The following VEGFC variants were observed in gnomAD, a reference collection of about 807,000 sequenced individuals.
VEGFC encodes the protein vascular endothelial growth factor C, also known as FLT4 ligand DHM.
Under a neutral mutation model 46.1 loss-of-function variants are expected in VEGFC, and 12 were observed. The observed-to-expected ratio is 0.26, with a 90% CI of 0.17 to 0.42. The LOEUF is 0.42. Among genes scored for constraint, VEGFC ranks in the 10% least tolerant of loss-of-function variants. VEGFC has a pLI of 1.00. For synonymous variants in VEGFC, 232 were observed against 195.5 expected (o/e 1.19, Z -1.56); for missense variants, 488 against 529.4 (o/e 0.92, Z 0.77).
At chr4:176,688,126 G>T (rs917250415) in intron 4 of VEGFC, among the ~76,000 whole-genome samples, 199 bp from the exon 5 acceptor site, 1 of 152,178 alleles carries the variant, frequency 6.6e-6, no homozygotes, top group Admixed American at 6.5e-5. Flanking sequence ...GGTGATCACT[G>T]TTTGTGGTAT....
At chr4:176,686,052 C>T (rs1560931737) in intron 6 of VEGFC, among the ~76,000 whole-genome samples, 1 of 151,904 alleles carries the variant, frequency 6.6e-6, no homozygotes, top group Non-Finnish European at 1.5e-5. Context: ...CATTATCTAC[C>T]CATATGTAAA....
At position 176,698,726 on chromosome 4, in the gene VEGFC, C is replaced by A. The variant is rs185790657; in HGVS notation, c.705-10799G>T. ...TAACATTTCCCCATGTCCCCCACCC[C>A]CAAGACCGTGGTGACCACTCTTCTA... is the stretch of plus-strand genomic sequence containing the variant. On this transcript the variant is annotated intron_variant, in intron 4 of 6. Coordinates refer to ENST00000618562, the MANE Select transcript of VEGFC (RefSeq NM_005429.5). Among the ~76,000 whole-genome samples, 359 of 152,140 alleles carry A rather than the reference C, an allele frequency of 2.4e-3. 1 individual carries two copies. The highest frequency in any genetic ancestry group is 7.6e-3 in the African/African-American group (317 of 41,486).
At chr4:176,745,728 G>T (rs1449116614) in intron 1 of VEGFC, among the ~76,000 whole-genome samples, 1 of 152,132 alleles carries the variant, frequency 6.6e-6, no homozygotes, top group South Asian at 2.1e-4. Flanking sequence ...GGAATGATCA[G>T]ATGGGGATGA....
Position 176,792,364 on chromosome 4 carries a change from G to A in VEGFC, c.-53C>T. On this transcript the variant is annotated 5_prime_UTR_variant, in exon 1 of 7. Coordinates refer to ENST00000618562, the MANE Select transcript of VEGFC (RefSeq NM_005429.5). This position sits in a 1 kb window ranked among gnomAD's most constrained non-coding sequence, Gnocchi z 6.3. ...GTCCGCTGGCGGGGGCAGGGGTGGG[G>A]GCGCGGGCGCCCCTGCGAGGCCGCG... The A allele has an allele frequency of 7.3e-7, 1 of 1,362,278 alleles. No individual in the cohort carries two copies. Among genetic ancestry groups the A allele is most frequent in the East Asian group, 3.1e-5 (1 of 32,544 alleles). The allele number at this position is 1,362,278 out of a possible 1,614,324, so 84.4% of individuals were successfully genotyped here.
At chr4:176,779,213 C>T (rs1315993542) in intron 1 of VEGFC, among the ~76,000 whole-genome samples, 1 of 152,014 alleles carries the variant, frequency 6.6e-6, no homozygotes, top group Non-Finnish European at 1.5e-5. Context: ...GCTGATAGAA[C>T]CTGATTTTCC....
chr4:176,765,969 G>C (rs1735615204), intron 1 of VEGFC, among the ~76,000 whole-genome samples: 1 of 151,718 alleles, frequency 6.6e-6, no homozygotes, highest in Non-Finnish European at 1.5e-5. Flanking sequence ...AAAATCTTTA[G>C]AATATAGAAA....
At chr4:176,706,229 C>T (rs1449603590) in intron 4 of VEGFC, 1 of 152,102 alleles carries the variant, frequency 6.6e-6, no homozygotes, top group African/African-American at 2.4e-5. Context: ...GATCTAGAAG[C>T]ATTCTTTATC....
chr4:176,705,914 T>A (rs539259754), intron 4 of VEGFC: 1 of 152,244 alleles, frequency 6.6e-6, no homozygotes, highest in South Asian at 2.1e-4. Context: ...TTAAAAAAAA[T>A]GTGTCACAAG....
chr4:176,746,914 G>A (rs1735266800), intron 1 of VEGFC, among the ~76,000 whole-genome samples: 1 of 152,122 alleles, frequency 6.6e-6, no homozygotes, highest in South Asian at 2.1e-4. Context: ...TTATTAACCA[G>A]ATGCAGAAAT....
chr4:176,784,682 G>A (rs1735971796), intron 1 of VEGFC, among the ~76,000 whole-genome samples: 1 of 149,014 alleles, frequency 6.7e-6, no homozygotes, highest in African/African-American at 2.5e-5. Flanking sequence ...GAACCTGGGA[G>A]GCGGAGCTTG....
intron 4 of VEGFC, among the ~76,000 whole-genome samples, chr4:176,692,671 G>T (rs1429387419): frequency 6.8e-6 from 1 of 147,996 alleles, no homozygotes; most frequent in Non-Finnish European, 1.5e-5. Flanking sequence ...ACCTCTGGGG[G>T]CAGGGCACAG....
chr4:176,789,935 T>C (rs1015449921), intron 1 of VEGFC, among the ~76,000 whole-genome samples: 11 of 152,258 alleles, frequency 7.2e-5, no homozygotes, highest in Non-Finnish European at 1.5e-4. Flanking sequence ...ATTGGGATTA[T>C]AGATATTTAG....
At chr4:176,719,412 A>G (rs1368592871) in intron 3 of VEGFC, among the ~76,000 whole-genome samples, 1 of 152,208 alleles carries the variant, frequency 6.6e-6, no homozygotes, top group Non-Finnish European at 1.5e-5. Flanking sequence ...AATGCAATAA[A>G]TTGAATAAAC....
intron 4 of VEGFC, among the ~76,000 whole-genome samples, chr4:176,696,718 T>G (rs1734320657): frequency 1.3e-5 from 2 of 152,018 alleles, no homozygotes; most frequent in Non-Finnish European, 2.9e-5. Flanking sequence ...GGCATCACCC[T>G]ACCTGACTTC....
chr4:176,740,396 TTA>T (rs1216023071), intron 1 of VEGFC, among the ~76,000 whole-genome samples: 6 of 118,158 alleles, frequency 5.1e-5, no homozygotes, highest in Admixed American at 1.0e-4. Context: ...AACTATATAT[TTA>T]TATATAGTTA....
chr4:176,694,287 C>A (rs1380348212), intron 4 of VEGFC, among the ~76,000 whole-genome samples: 4 of 151,602 alleles, frequency 2.6e-5, no homozygotes, highest in Non-Finnish European at 5.9e-5. Context: ...GGAGGAAGAT[C>A]TACCAAGCAA....
intron 4 of VEGFC, among the ~76,000 whole-genome samples, chr4:176,702,165 CAT>C: frequency 6.6e-6 from 1 of 152,238 alleles, no homozygotes; most frequent in Admixed American, 6.5e-5. Flanking sequence ...GGAAATAAGA[CAT>C]GTTCTCATAA....
Position 176,687,922 on chromosome 4 carries a change from TG to T in VEGFC, c.709del (p.Gln237ArgfsTer74). The T allele has an allele frequency of 6.2e-7, 1 of 1,607,582 alleles. No homozygotes were observed. The highest frequency in any genetic ancestry group is 8.5e-7 in the Non-Finnish European group (1 of 1,175,430). ...GGTGGGGCAGGTCTTGTTCGCTGCC[TG>T]ACACCTTTGGAAGAAACAGACGAGG... ...RSLPATLPQC[Q>X]AANKTCPTNY... On this transcript the variant is annotated frameshift_variant, in exon 5 of 7. Transcript: ENST00000618562. LOFTEE classifies it high-confidence loss of function.
At chr4:176,685,361 T>C (rs1294749131) in intron 6 of VEGFC, among the ~76,000 whole-genome samples, 4 of 152,336 alleles carry the variant, frequency 2.6e-5, no homozygotes, top group Middle Eastern at 3.4e-3. Context: ...CACTTTGTAA[T>C]AGATATTAAG....
Sources: gnomAD v4.1 joint callset for allele counts (sites outside exome capture counted in the v4.1 genomes callset) on GRCh38, gnomAD v4.1.1 for gene constraint, Gnocchi (gnomAD v3.1) non-coding constraint, MANE v1.5 for transcripts, NCBI Gene and HGNC (gene_info 2026-07-23, HGNC 2026-07-21) for gene names.